Variants in SSBP1 observed in about 807,000 individuals in gnomAD.
SSBP1 encodes single-stranded DNA-binding protein, mitochondrial.
Under a neutral mutation model 27.0 loss-of-function variants are expected in SSBP1, and 20 were observed. The ratio of observed to expected loss-of-function variants is 0.74; its 90% CI spans 0.52 to 1.08. The LOEUF (loss-of-function observed/expected upper bound fraction) is 1.08, where lower values mean the gene tolerates loss of function less well. SSBP1 is among the 50% of genes least tolerant of loss of function. The probability of loss-of-function intolerance (pLI) is 0.00; values close to 1 mark genes in which losing one functional copy is unlikely to be tolerated. For synonymous variants in SSBP1, 59 were observed against 59.3 expected, an observed-to-expected ratio of 1.00 and a Z score of 0.02; for missense variants, 137 against 182.4, an observed-to-expected ratio of 0.75 and a Z score of 1.44.
rs987095806 is a variant in SSBP1 at position 141,738,364 on chromosome 7, C to T, written c.-90C>T. ...GGCGAGCTTTGCGTTCCCTGTGCGCCGGAAGTGATCCCCTGCGTGGCTGGG... is the reference window on the plus strand; with the variant it reads ...GGCGAGCTTTGCGTTCCCTGTGCGCTGGAAGTGATCCCCTGCGTGGCTGGG... On this transcript the variant is annotated 5_prime_UTR_variant, in exon 1 of 7. Coordinates refer to ENST00000265304, the MANE Select transcript of SSBP1 (RefSeq NM_003143.3). 7.9e-5 allele frequency: 12 copies of T among 152,396 alleles called. No homozygotes were observed. Among genetic ancestry groups the T allele is most frequent in the African/African-American group, 2.9e-4 (12 of 41,536 alleles). The allele number at this position is 152,396 out of a possible 1,614,324, so 9.4% of individuals were successfully genotyped here. A position where few individuals can be genotyped will look rare whatever the true frequency, so the allele number is the denominator to read the frequency against.
intron 3 of SSBP1, among the ~76,000 whole-genome samples, chr7:141,742,653 G>C (rs1374953147): frequency 6.6e-6 from 1 of 152,156 alleles, no homozygotes; most frequent in East Asian, 1.9e-4. Context: ...TTAAGATCTA[G>C]AGCTTACAGT....
intron 5 of SSBP1, among the ~76,000 whole-genome samples, chr7:141,744,939 C>G (rs975839336): frequency 2.0e-5 from 3 of 151,982 alleles, no homozygotes; most frequent in Admixed American, 1.3e-4. Flanking sequence ...GGTTTGTTAT[C>G]TAGTTTAGCC....
intron 6 of SSBP1, among the ~76,000 whole-genome samples, chr7:141,748,944 A>T (rs1799877151): frequency 1.3e-5 from 2 of 152,234 alleles, no homozygotes; most frequent in African/African-American, 4.8e-5. Context: ...TTTTTGGAAG[A>T]CTATGGTCAT....
In SSBP1 at chr7:141,745,498, C is replaced by G; in HGVS notation, c.317C>G (p.Ser106Cys). The part of the protein sequence containing the change: ...DVAYQYVKKG[S>C]RIYLEGKIDY... ...ACTGTACATTTTATTTATATCAGGT[C>G]TCGAATTTATTTGGAAGGGAAAATA... Residue 106 changes from serine (S) to cysteine (C), a missense_variant and splice_region_variant, in exon 6 of 7, where the codon TCT (serine) becomes TGT (cysteine). Coordinates refer to ENST00000265304, the MANE Select transcript of SSBP1 (RefSeq NM_003143.3). 6.3e-7 allele frequency: 1 copy of G among 1,591,164 alleles called. No homozygotes were observed. The highest frequency in any genetic ancestry group is 8.5e-7 in the Non-Finnish European group (1 of 1,169,682).
rs753839863 is a variant in SSBP1 at position 141,745,520 on chromosome 7, A to T, written c.339A>T (p.Lys113Asn). The change falls in exon 6 of 7, where the codon AAA becomes AAT. Residue 113 changes from lysine (K) to asparagine (N), a missense_variant. Coordinates refer to ENST00000265304, the MANE Select transcript of SSBP1 (RefSeq NM_003143.3). ...GGTCTCGAATTTATTTGGAAGGGAAAATAGACTATGGTGAATACATGGATA... is the reference window on the plus strand; with the variant it reads ...GGTCTCGAATTTATTTGGAAGGGAATATAGACTATGGTGAATACATGGATA... ...KKGSRIYLEG[K>N]IDYGEYMDKN... 1 of 1,604,134 alleles carries T rather than the reference A, an allele frequency of 6.2e-7. No homozygotes were observed. Among genetic ancestry groups the T allele is most frequent in the Non-Finnish European group, 8.5e-7 (1 of 1,175,560 alleles).
At chr7:141,747,494 A>T (rs1281460490) in intron 6 of SSBP1, among the ~76,000 whole-genome samples, 1 of 146,932 alleles carries the variant, frequency 6.8e-6, no homozygotes, top group East Asian at 2.1e-4. Flanking sequence ...GGTTCAAGCG[A>T]TTCTCCTGCC....
chr7:141,745,296 G>A (rs1231064139), intron 5 of SSBP1, among the ~76,000 whole-genome samples, 200 bp from the exon 6 acceptor site: 1 of 152,074 alleles, frequency 6.6e-6, no homozygotes, highest in Non-Finnish European at 1.5e-5. Context: ...AACATTGTCT[G>A]TTTTACCTAG....
At chr7:141,739,850 A>G (rs1390114563) in intron 2 of SSBP1, 1 of 151,660 alleles carries the variant, frequency 6.6e-6, no homozygotes, top group Admixed American at 6.6e-5. Flanking sequence ...CCCCACCTTA[A>G]TCCTATATTC....
In SSBP1 at chr7:141,742,157, GTTC is replaced by G. The variant is rs746496505; in HGVS notation, c.25-6_25-4del. ...AAAATTAAAGCCATGTTATTCATTT[GTTC>G]TTCTTTAGGTACTTCGTCAGTTTGT... On this transcript the variant is annotated splice_polypyrimidine_tract_variant and intron_variant, in intron 2 of 6. Coordinates refer to ENST00000265304, the MANE Select transcript of SSBP1 (RefSeq NM_003143.3). The G allele has an allele frequency of 1.9e-6, 3 of 1,581,626 alleles. No homozygotes were observed. The highest frequency in any genetic ancestry group is 2.3e-5 in the East Asian group (1 of 44,326).
intron 6 of SSBP1, among the ~76,000 whole-genome samples, chr7:141,747,819 G>A (rs1435861693): frequency 1.3e-5 from 2 of 151,226 alleles, no homozygotes; most frequent in Non-Finnish European, 3.0e-5. Flanking sequence ...GGAACATGGT[G>A]AAACCCTGTC....
At chr7:141,743,193 A>T (rs770560566) in intron 3 of SSBP1, among the ~76,000 whole-genome samples, 2 of 152,162 alleles carry the variant, frequency 1.3e-5, no homozygotes, top group Admixed American at 1.3e-4. Context: ...AGGCTGCTAT[A>T]AAAAAATACC....
At chr7:141,746,102 C>T in intron 6 of SSBP1, 1 of 390,768 alleles carries the variant, frequency 2.6e-6, no homozygotes, top group South Asian at 1.1e-4. Flanking sequence ...CTCATTGCAA[C>T]CTCTGTCTCC....
rs1421735225 is a variant in SSBP1, at chr7:141,746,090, G to A, written c.403+506G>A. ...GGCTGGAGTGCAATGGCACAATCTC[G>A]GCTCATTGCAACCTCTGTCTCCTGG... On this transcript the variant is annotated intron_variant, in intron 6 of 6. Transcript: ENST00000265304. 1.4e-5 allele frequency: 7 copies of A among 499,398 alleles called. 1 individual carries two copies. The highest frequency in any genetic ancestry group is 8.9e-5 in the South Asian group (1 of 11,298). The allele number at this position is 499,398 out of a possible 1,614,324, so 30.9% of individuals were successfully genotyped here. A position where few individuals can be genotyped will look rare whatever the true frequency, so the allele number is the denominator to read the frequency against.
chr7:141,744,440 G>A (rs1351767389), intron 5 of SSBP1, among the ~76,000 whole-genome samples: 4 of 152,152 alleles, frequency 2.6e-5, no homozygotes, highest in East Asian at 3.9e-4. Flanking sequence ...CTTCATCTTC[G>A]TGGCAGTTAT....
chr7:141,743,861 C>T (rs771128365), intron 4 of SSBP1, 41 bp from the exon 5 acceptor site: 1 of 1,587,718 alleles, frequency 6.3e-7, no homozygotes, highest in South Asian at 1.1e-5. Flanking sequence ...GGCATGTTGT[C>T]TGTTGGCATT....
chr7:141,746,665 A>G (rs1799801958), intron 6 of SSBP1: 1 of 152,240 alleles, frequency 6.6e-6, no homozygotes, highest in African/African-American at 2.4e-5. Flanking sequence ...CTTTAAACAA[A>G]ATACAGTACA....
chr7:141,742,146 G>T, intron 2 of SSBP1, 23 bp from the exon 3 acceptor site: 6 of 1,563,450 alleles, frequency 3.8e-6, no homozygotes, highest in Non-Finnish European at 4.4e-6. Context: ...TTAAAGCCAT[G>T]TTATTCATTT....
intron 2 of SSBP1, chr7:141,739,461 A>G: frequency 3.0e-6 from 1 of 336,594 alleles, no homozygotes; most frequent in Non-Finnish European, 5.4e-6. Flanking sequence ...GTGAGAGGAC[A>G]TTAAAGGTCT....
At chr7:141,747,995 C>CAA (rs926171907) in intron 6 of SSBP1, among the ~76,000 whole-genome samples, 132 of 55,546 alleles carry the variant, frequency 2.4e-3, no homozygotes, top group South Asian at 4.1e-3. Context: ...AAGACTCTCT[C>CAA]AAAAAAAAAA....
Sources: gnomAD v4.1 joint callset for allele counts (sites outside exome capture counted in the v4.1 genomes callset) on GRCh38, gnomAD v4.1.1 for gene constraint, MANE v1.5 for transcripts, NCBI Gene and HGNC (gene_info 2026-07-23, HGNC 2026-07-21) for gene names.